SASH1: variants seen among roughly 807,000 people sequenced by gnomAD.
SASH1 encodes SAM and SH3 domain containing 1.
SASH1 carries 44 observed loss-of-function variants against 125.2 expected under a neutral mutation model. The ratio of observed to expected loss-of-function variants is 0.35; its 90% CI spans 0.28 to 0.45. The LOEUF is 0.45. Ranked by LOEUF, SASH1 falls within the 20% of genes least tolerant of loss-of-function variation. The probability of loss-of-function intolerance (pLI) is 1.00; values close to 1 mark genes in which losing one functional copy is unlikely to be tolerated. For synonymous variants in SASH1, 639 were observed against 649.1 expected (o/e 0.98, Z 0.24); for missense variants, 1,426 against 1,614.5 (o/e 0.88, Z 2.00).
At chr6:148,412,627 C>T (rs1156753157) in intron 2 of SASH1, among the ~76,000 whole-genome samples, 1 of 152,136 alleles carries the variant, frequency 6.6e-6, no homozygotes, top group African/African-American at 2.4e-5. Flanking sequence ...CATACAAGCA[C>T]AACACCAGAA....
At chr6:148,242,536 C>T in the SASH1 span, among the ~76,000 whole-genome samples, 1 of 152,218 alleles carries the variant, frequency 6.6e-6, no homozygotes, top group South Asian at 2.1e-4. Flanking sequence ...CCGTTTGCAT[C>T]TGTTTCAAGT....
chr6:148,301,106 A>C (rs1226143374), intron 1 of SASH1, among the ~76,000 whole-genome samples: 1 of 151,770 alleles, frequency 6.6e-6, no homozygotes, highest in Non-Finnish European at 1.5e-5. Context: ...GCCAGCAGAT[A>C]AACTGCAGTC....
chr6:148,238,045 G>C, the SASH1 span, among the ~76,000 whole-genome samples: 124,028 of 151,998 alleles, frequency 0.82, 51,162 homozygotes, highest in African/African-American at 0.93. Context: ...TGTTTTGGGG[G>C]CTGGAATGCT....
At chr6:148,318,480 T>G (rs1216511470) in intron 1 of SASH1, among the ~76,000 whole-genome samples, 1 of 152,188 alleles carries the variant, frequency 6.6e-6, no homozygotes, top group East Asian at 1.9e-4. Context: ...AGCTCCTTAC[T>G]GTACTGCAAA....
chr6:148,502,426 C>T (rs6931504), intron 8 of SASH1, among the ~76,000 whole-genome samples: 72,278 of 152,034 alleles, frequency 0.48, 17,608 homozygotes, highest in East Asian at 0.65. Context: ...AACACACTTT[C>T]AAGTAACTCT....
chr6:148,449,502 C>T (rs1194839775), intron 4 of SASH1, among the ~76,000 whole-genome samples: 1 of 151,986 alleles, frequency 6.6e-6, no homozygotes, highest in Non-Finnish European at 1.5e-5. Flanking sequence ...ATTCTCCTGC[C>T]TCAGCCTCCC....
At position 148,544,121 on chromosome 6, in the gene SASH1, A is replaced by G. The variant is rs208696; in HGVS notation, c.2651A>G (p.Gln884Arg). Residue 884 changes from glutamine to arginine, a missense_variant, in exon 18 of 20, where the codon CAA becomes CGA. Coordinates refer to ENST00000367467, the MANE Select transcript of SASH1 (RefSeq NM_015278.5). The surrounding 1 kb of genome is among the most constrained non-coding windows in gnomAD (Gnocchi z 6.4). ...TCCACGAAGGCCCAGCCCCTGGAGC[A>G]AGACTCTGCTGTCGACAATGCATTG... ...ASSTKAQPLE[Q>R]DSAVDNALLL... 957,875 of 1,613,770 alleles carry G rather than the reference A, an allele frequency of 0.59. 286,063 individuals are homozygous for G. The highest frequency in any genetic ancestry group is 0.69 in the African/African-American group (51,326 of 74,918).
At chr6:148,379,984 GCC>G (rs1783069292) in intron 1 of SASH1, 2 of 455,964 alleles carry the variant, frequency 4.4e-6, no homozygotes, top group African/African-American at 4.0e-5. Context: ...GAACGTAGGT[GCC>G]ACACAAAGAG....
At chr6:148,350,000 C>T (rs951580494) in intron 1 of SASH1, among the ~76,000 whole-genome samples, 7 of 152,066 alleles carry the variant, frequency 4.6e-5, no homozygotes, top group Non-Finnish European at 1.0e-4. Context: ...CGCCTGCCAC[C>T]ACGCCCGGCT....
intron 8 of SASH1, among the ~76,000 whole-genome samples, chr6:148,508,199 G>A (rs574656454): frequency 1.3e-5 from 2 of 152,142 alleles, no homozygotes; most frequent in East Asian, 3.9e-4. Flanking sequence ...AAAGGAATGG[G>A]GAGAGAGAGA....
rs563666130 is a variant in SASH1, at chr6:148,304,582, C to T, written n.74+32205C>T. On this transcript the variant is annotated intron_variant and non_coding_transcript_variant, in intron 1 of 3. Transcript: ENST00000367469. ...CCGAGACCACGCCACTGCACTCCAG[C>T]ATGGGCGACAGAGTGAGACTCCATC... Among the ~76,000 whole-genome samples the T allele has an allele frequency of 1.2e-4, 18 of 152,082 alleles. No homozygotes were observed. The South Asian group carries it at 3.3e-3, about 28-fold the overall frequency.
chr6:148,254,131 TG>T, the SASH1 span, among the ~76,000 whole-genome samples: 8 of 151,638 alleles, frequency 5.3e-5, no homozygotes, highest in Non-Finnish European at 8.8e-5. Context: ...CGCTTGAACC[TG>T]GGAAGTGGAG....
At chr6:148,308,788 A>C (rs1210452604) in intron 1 of SASH1, among the ~76,000 whole-genome samples, 1 of 151,056 alleles carries the variant, frequency 6.6e-6, no homozygotes, top group Non-Finnish European at 1.5e-5. Context: ...TCAGTCCATA[A>C]GATTCTCTTT....
chr6:148,250,498 A>G, the SASH1 span, among the ~76,000 whole-genome samples: 2 of 151,778 alleles, frequency 1.3e-5, no homozygotes, highest in Non-Finnish European at 2.9e-5. Context: ...GTGATGAGTG[A>G]AGAAGTATGT....
intron 8 of SASH1, among the ~76,000 whole-genome samples, chr6:148,500,783 ATTGT>A (rs757483732): frequency 1.6e-4 from 24 of 150,596 alleles, no homozygotes; most frequent in African/African-American, 3.7e-4. Context: ...TTAGTGTTTT[ATTGT>A]TTGTTTGTTT....
intron 2 of SASH1, among the ~76,000 whole-genome samples, chr6:148,405,518 C>A (rs1322151118): frequency 6.6e-6 from 1 of 152,110 alleles, no homozygotes; most frequent in African/African-American, 2.4e-5. Context: ...TGCTCCTTCT[C>A]CCTTTCCATC....
At chr6:148,484,049 ATTGT>A (rs142264267) in intron 7 of SASH1, among the ~76,000 whole-genome samples, 5,314 of 152,256 alleles carry the variant, frequency 0.035, 129 homozygotes, top group Admixed American at 0.069. Flanking sequence ...AGAATGTTTG[ATTGT>A]TTGTTTGTTT....
chr6:148,290,402 C>T (rs1203613358), intron 1 of SASH1, among the ~76,000 whole-genome samples: 4 of 151,006 alleles, frequency 2.6e-5, no homozygotes, highest in Non-Finnish European at 4.4e-5. Context: ...GTCAGGAGAT[C>T]GAGACCATCC....
At chr6:148,535,038 G>T (rs1781758757) in intron 16 of SASH1, 137 bp downstream of exon 16, 3 of 1,054,242 alleles carry the variant, frequency 2.8e-6, no homozygotes, top group Non-Finnish European at 4.2e-6. Flanking sequence ...ATGACAGTAA[G>T]TCCCTGTACG....
Sources: allele counts gnomAD v4.1 joint callset (sites outside exome capture counted in the v4.1 genomes callset), GRCh38; gene constraint gnomAD v4.1.1; non-coding constraint Gnocchi (gnomAD v3.1); transcripts MANE v1.5; gene names NCBI Gene and HGNC (gene_info 2026-07-23, HGNC 2026-07-21).